Variants in FHOD3 observed in about 807,000 individuals in gnomAD.
FHOD3 encodes formin homology 2 domain containing 3.
A neutral mutation model predicts 173.0 loss-of-function variants in FHOD3; 90 were observed. The ratio of observed to expected loss-of-function variants is 0.52; its 90% CI spans 0.44 to 0.62. The LOEUF is 0.62. Among genes scored for constraint, FHOD3 ranks in the 20% least tolerant of loss-of-function variants. The pLI is 0.00. For missense variants in FHOD3, 1,945 were observed against 2,034.7 expected (o/e 0.96, Z 0.85); for synonymous variants, 828 against 823.0 (o/e 1.01, Z -0.10).
intron 9 of FHOD3, among the ~76,000 whole-genome samples, chr18:36,617,270 G>C (rs2033281931): frequency 6.6e-6 from 1 of 152,208 alleles, no homozygotes; most frequent in South Asian, 2.1e-4. Context: ...TGTAAGATGA[G>C]TGAAAGGATC....
intron 11 of FHOD3, among the ~76,000 whole-genome samples, chr18:36,650,497 T>C (rs1268529056): frequency 1.3e-5 from 2 of 152,320 alleles, no homozygotes; most frequent in East Asian, 1.9e-4. Context: ...GAGCTGATGA[T>C]AGAGAATTAG....
At chr18:36,440,597 G>T (rs1453915453) in intron 3 of FHOD3, among the ~76,000 whole-genome samples, 1 of 152,228 alleles carries the variant, frequency 6.6e-6, no homozygotes, top group East Asian at 1.9e-4. Flanking sequence ...GCCCCCAAGG[G>T]CCACCAGTGC....
intron 8 of FHOD3, among the ~76,000 whole-genome samples, chr18:36,611,259 A>G (rs993979809): frequency 1.3e-5 from 2 of 152,226 alleles, no homozygotes; most frequent in African/African-American, 4.8e-5. Context: ...TTCTATTGCC[A>G]CGTAACAAAT....
At chr18:36,655,318 A>G (rs2149149043) in intron 13 of FHOD3, among the ~76,000 whole-genome samples, 1 of 152,234 alleles carries the variant, frequency 6.6e-6, no homozygotes, top group Admixed American at 6.5e-5. Flanking sequence ...GTGTTAGCCC[A>G]CGGTGGTGAT....
At position 36,305,974 on chromosome 18, in the gene FHOD3, G is replaced by A. The variant is rs539826048; in HGVS notation, c.165+7974G>A. Among the ~76,000 whole-genome samples, 14 of 152,334 alleles carry A rather than the reference G, an allele frequency of 9.2e-5. No individual in the cohort carries two copies. The East Asian group carries it at 1.4e-3, about 15-fold the overall frequency. On this transcript the variant is annotated intron_variant, in intron 1 of 28. Coordinates refer to ENST00000590592, the MANE Select transcript of FHOD3 (RefSeq NM_001281740.3). ...GGTGACATTGGGGTTGAGACAAGTC[G>A]TTGATAGAATACTGTCCCCCTCCTC...
intron 6 of FHOD3, among the ~76,000 whole-genome samples, chr18:36,585,532 CAA>C: frequency 6.6e-6 from 1 of 152,044 alleles, no homozygotes; most frequent in East Asian, 1.9e-4. Flanking sequence ...GGCCAGGCCT[CAA>C]AGAGGGCAGC....
At chr18:36,685,365 T>A (rs2038538159) in intron 15 of FHOD3, among the ~76,000 whole-genome samples, 1 of 152,186 alleles carries the variant, frequency 6.6e-6, no homozygotes, top group Non-Finnish European at 1.5e-5. Flanking sequence ...TCTGAGGATG[T>A]GAATGAAAAG....
chr18:36,742,782 T>C lies in FHOD3; in HGVS notation c.3805T>C (p.Leu1269=). The C allele has an allele frequency of 3.1e-6, 5 of 1,614,056 alleles. No individual in the cohort carries two copies. The highest frequency in any genetic ancestry group is 4.2e-6 in the Non-Finnish European group (5 of 1,179,972). ...GGACCTGAAGGAAGGAATAGACCAG[T>C]TGGAGAACAATAAAACCTTGGGCTT... ...LLDLKEGIDQ[L]ENNKTLGFIL... Residue 1269 remains leucine, a synonymous_variant, in exon 22 of 29, where the codon TTG becomes CTG. Transcript: ENST00000590592.
intron 1 of FHOD3, among the ~76,000 whole-genome samples, chr18:36,336,045 T>G (rs2045291805): frequency 6.6e-6 from 1 of 152,184 alleles, no homozygotes; most frequent in South Asian, 2.1e-4. Context: ...TGCTGCAGTG[T>G]CTGCTTGGCC....
intron 1 of FHOD3, among the ~76,000 whole-genome samples, chr18:36,353,587 A>G (rs1183757066): frequency 6.6e-6 from 1 of 152,286 alleles, no homozygotes; most frequent in Non-Finnish European, 1.5e-5. Context: ...TTGGAATAAT[A>G]GCCTAACTCA....
rs2050934348 is a variant in FHOD3 at position 36,438,411 on chromosome 18, C to T, written c.338-63521C>T. 2.6e-5 allele frequency among the ~76,000 whole-genome samples: 4 copies of T among 152,122 alleles called. No individual in the cohort carries two copies. In the South Asian group the frequency reaches 8.3e-4, roughly 32 times the overall value. On this transcript the variant is annotated intron_variant, in intron 3 of 28. Coordinates refer to ENST00000590592, the MANE Select transcript of FHOD3 (RefSeq NM_001281740.3). ...TTCACCATCAGTCGTTTAAAAACTT[C>T]CCTCTCCCACCGGCTCCCCTGCTTT...
chr18:36,298,035 C>T lies in FHOD3; in HGVS notation c.165+35C>T, dbSNP rs766737865. The T allele has an allele frequency of 3.0e-5, 44 of 1,444,780 alleles. 1 individual carries two copies. The South Asian group carries it at 5.6e-4, about 18-fold the overall frequency. 89.5% of individuals were successfully genotyped at this position (1,444,780 alleles called of 1,614,324 possible). A position where few individuals can be genotyped will look rare whatever the true frequency, so the allele number is the denominator to read the frequency against. ...GGCGGGGTGGGCTGGGCCCCCTGGA[C>T]TCAGCCCCCTGCCGCGGTGCGCGCC... On this transcript the variant is annotated intron_variant, in intron 1 of 28. Coordinates refer to ENST00000590592, the MANE Select transcript of FHOD3 (RefSeq NM_001281740.3).
chr18:36,377,743 C>T (rs969423520), intron 3 of FHOD3, among the ~76,000 whole-genome samples: 6 of 152,198 alleles, frequency 3.9e-5, no homozygotes, highest in Admixed American at 1.3e-4. Context: ...ACTCCCCACA[C>T]GTCCACTGTA....
intron 2 of FHOD3, among the ~76,000 whole-genome samples, chr18:36,364,301 C>T (rs772920342): frequency 4.6e-5 from 7 of 152,084 alleles, no homozygotes; most frequent in Admixed American, 6.6e-5. Context: ...GCATCCTGAC[C>T]GCAAGGATTC....
intron 3 of FHOD3, among the ~76,000 whole-genome samples, chr18:36,500,675 T>C (rs2054986209): frequency 6.6e-6 from 1 of 152,252 alleles, no homozygotes; most frequent in Admixed American, 6.5e-5. Flanking sequence ...TAAAGTGTTT[T>C]GTTCAAGGTC....
chr18:36,744,907 G>A (rs569077328), intron 23 of FHOD3, among the ~76,000 whole-genome samples: 1 of 152,186 alleles, frequency 6.6e-6, no homozygotes, highest in Non-Finnish European at 1.5e-5. Context: ...CAGGAAACTC[G>A]CTAGGGGAGA....
At chr18:36,468,513 G>C (rs1427973338) in intron 3 of FHOD3, among the ~76,000 whole-genome samples, 2 of 152,152 alleles carry the variant, frequency 1.3e-5, no homozygotes, top group East Asian at 3.9e-4. Flanking sequence ...GCTGCCCGGA[G>C]CTCCTTCTGG....
intron 3 of FHOD3, among the ~76,000 whole-genome samples, chr18:36,477,540 CACCCACCTACCTACCT>C (rs1186257853): frequency 0.037 from 4,031 of 108,424 alleles, 154 homozygotes; most frequent in East Asian, 0.17. Context: ...CCCACCCACC[CACCCACCTACCTACCT>C]ACCTACCTAC....
intron 5 of FHOD3, among the ~76,000 whole-genome samples, chr18:36,550,255 T>TATATA (rs2057593737): frequency 6.8e-6 from 1 of 147,220 alleles, no homozygotes; most frequent in South Asian, 2.1e-4. Context: ...TATATATATA[T>TATATA]ATATATATAT....
Sources: allele counts gnomAD v4.1 joint callset (sites outside exome capture counted in the v4.1 genomes callset), GRCh38; gene constraint gnomAD v4.1.1; transcripts MANE v1.5; gene names NCBI Gene and HGNC (gene_info 2026-07-23, HGNC 2026-07-21).